Variants in GALNTL6 observed in about 807,000 individuals in gnomAD.
The protein encoded by GALNTL6 is polypeptide N-acetylgalactosaminyltransferase like 6, also known as polypeptide N-acetylgalactosaminyltransferase-like 6.
In GALNTL6, 46 loss-of-function variants were observed where a neutral mutation model predicts 73.7. The observed-to-expected ratio is 0.62, with a 90% confidence interval of 0.49 to 0.80. The LOEUF is 0.80. Ranked by LOEUF, GALNTL6 falls within the 30% of genes least tolerant of loss-of-function variation. The pLI is 0.00. For synonymous variants in GALNTL6, 259 were observed against 263.7 expected (o/e 0.98, Z 0.17); for missense variants, 604 against 755.0 (o/e 0.80, Z 2.34).
At chr4:172,261,369 C>T (rs1037058866) in intron 3 of GALNTL6, among the ~76,000 whole-genome samples, 1 of 151,474 alleles carries the variant, frequency 6.6e-6, no homozygotes, top group Non-Finnish European at 1.5e-5. Context: ...TCCATCTCCT[C>T]TAGATTTTCT....
chr4:172,717,189 CA>C (rs1735159257), intron 5 of GALNTL6, among the ~76,000 whole-genome samples: 1 of 152,102 alleles, frequency 6.6e-6, no homozygotes, highest in South Asian at 2.1e-4. Context: ...AAGCCTTAGC[CA>C]ATATACTTTA....
intron 7 of GALNTL6, among the ~76,000 whole-genome samples, chr4:172,864,287 C>A (rs553953828): frequency 2.6e-4 from 40 of 152,316 alleles, no homozygotes; most frequent in Admixed American, 2.4e-3. Context: ...TGCTCCTTAT[C>A]CCCTTCCTAA....
At chr4:171,850,617 C>T (rs1265265159) in intron 2 of GALNTL6, among the ~76,000 whole-genome samples, 3 of 152,134 alleles carry the variant, frequency 2.0e-5, no homozygotes, top group Non-Finnish European at 4.4e-5. Flanking sequence ...TGGCCTTAAA[C>T]CCTGTTTATA....
intron 5 of GALNTL6, among the ~76,000 whole-genome samples, chr4:172,436,424 G>A (rs1392330529): frequency 1.3e-5 from 2 of 152,008 alleles, no homozygotes; most frequent in African/African-American, 4.8e-5. Flanking sequence ...CTTGCACTGT[G>A]GTTCTCCCCA....
intron 2 of GALNTL6, among the ~76,000 whole-genome samples, chr4:172,087,468 CA>C (rs144994225): frequency 7.1e-6 from 1 of 141,034 alleles, no homozygotes; most frequent in Non-Finnish European, 1.5e-5. Context: ...ACAAAAAAAA[CA>C]AAAAAAACAA....
chr4:172,946,991 C>T (rs929556352), intron 9 of GALNTL6, among the ~76,000 whole-genome samples: 4 of 151,906 alleles, frequency 2.6e-5, no homozygotes, highest in Admixed American at 6.6e-5. Flanking sequence ...ACAAAAGAGA[C>T]GTAAGAGAGA....
At chr4:172,771,193 G>A (rs919955029) in intron 5 of GALNTL6, among the ~76,000 whole-genome samples, 5 of 152,160 alleles carry the variant, frequency 3.3e-5, no homozygotes, top group African/African-American at 1.2e-4. Context: ...GCAAAACCAT[G>A]ACAATCACCT....
chr4:172,664,593 C>A (rs1363281285), intron 5 of GALNTL6, among the ~76,000 whole-genome samples: 1 of 152,174 alleles, frequency 6.6e-6, no homozygotes, highest in Non-Finnish European at 1.5e-5. Context: ...GGTCATGGAT[C>A]TGAGTCAAAG....
At chr4:172,483,785 C>T (rs1442914480) in intron 5 of GALNTL6, among the ~76,000 whole-genome samples, 2 of 152,058 alleles carry the variant, frequency 1.3e-5, no homozygotes, top group African/African-American at 4.8e-5. Context: ...CAACCTACAA[C>T]ATCCAGTCGG....
At chr4:172,723,769 AG>A (rs1369109319) in intron 5 of GALNTL6, among the ~76,000 whole-genome samples, 1 of 104,168 alleles carries the variant, frequency 9.6e-6, no homozygotes, top group African/African-American at 3.1e-5. Context: ...TATTGATAGT[AG>A]AAAAATCCAT....
At chr4:172,437,829 G>A (rs527429617) in intron 5 of GALNTL6, among the ~76,000 whole-genome samples, 16 of 152,076 alleles carry the variant, frequency 1.1e-4, no homozygotes, top group African/African-American at 2.7e-4. Flanking sequence ...CTGATTGACC[G>A]TCTGAGTCCC....
intron 5 of GALNTL6, among the ~76,000 whole-genome samples, chr4:172,370,403 G>A (rs1742753082): frequency 6.6e-6 from 1 of 151,980 alleles, no homozygotes; most frequent in Non-Finnish European, 1.5e-5. Context: ...ATAAGAGTTT[G>A]AAAGGAGGTC....
At chr4:172,640,086 T>G (rs1011250339) in intron 5 of GALNTL6, among the ~76,000 whole-genome samples, 2 of 152,118 alleles carry the variant, frequency 1.3e-5, no homozygotes, top group Admixed American at 1.3e-4. Context: ...TCTCCTTCTA[T>G]TCACTCAAAT....
At chr4:172,921,296 C>G (rs1561034661) in intron 8 of GALNTL6, among the ~76,000 whole-genome samples, 1 of 152,284 alleles carries the variant, frequency 6.6e-6, no homozygotes, top group South Asian at 2.1e-4. Flanking sequence ...TATACCTGAT[C>G]ATAGTGCTCC....
chr4:172,420,186 T>C, intron 5 of GALNTL6, among the ~76,000 whole-genome samples: 1 of 152,198 alleles, frequency 6.6e-6, no homozygotes, highest in East Asian at 1.9e-4. Flanking sequence ...AGGCTCATTG[T>C]CATGAGTGAG....
At chr4:172,716,721 G>A (rs925003273) in intron 5 of GALNTL6, among the ~76,000 whole-genome samples, 2 of 152,146 alleles carry the variant, frequency 1.3e-5, no homozygotes, top group Non-Finnish European at 2.9e-5. Flanking sequence ...CTTGTAAAAT[G>A]CAAAAATCAC....
intron 4 of GALNTL6, among the ~76,000 whole-genome samples, chr4:172,342,366 T>C (rs2111203633): frequency 6.6e-6 from 1 of 152,344 alleles, no homozygotes; most frequent in Middle Eastern, 3.4e-3. Context: ...TCTTATTCGT[T>C]GCTCGTGTTA....
chr4:172,931,803 T>A (rs1206342976), intron 9 of GALNTL6, among the ~76,000 whole-genome samples: 1 of 152,228 alleles, frequency 6.6e-6, no homozygotes, highest in East Asian at 1.9e-4. Context: ...AGTCTTAAGA[T>A]TTTTTTCCAA....
In GALNTL6 at chr4:172,863,396, C is replaced by A. The variant is rs1364345859; in HGVS notation, c.924-19394C>A. Among the ~76,000 whole-genome samples, 5 of 152,202 alleles carry A rather than the reference C, an allele frequency of 3.3e-5. No individual in the cohort carries two copies. In the South Asian group the frequency reaches 1.0e-3, roughly 31 times the overall value. ...AAGGGGGCTGTACCCTGCAAATCCA[C>A]ATAGGCGGAGCTGCCCAAGGCTGTA... On this transcript the variant is annotated intron_variant, in intron 7 of 12. Coordinates refer to ENST00000506823, the MANE Select transcript of GALNTL6 (RefSeq NM_001034845.3).
Sources: allele counts gnomAD v4.1 joint callset (sites outside exome capture counted in the v4.1 genomes callset), GRCh38; gene constraint gnomAD v4.1.1; transcripts MANE v1.5; gene names NCBI Gene and HGNC (gene_info 2026-07-23, HGNC 2026-07-21).